Variants in TMEM63B observed in about 807,000 individuals in gnomAD.
TMEM63B encodes the protein transmembrane protein 63B.
TMEM63B carries 23 observed loss-of-function variants against 102.6 expected under a neutral mutation model. The observed-to-expected ratio is 0.22, with a 90% CI of 0.16 to 0.32. TMEM63B has a LOEUF of 0.32. Ranked by LOEUF, TMEM63B falls within the 10% of genes least tolerant of loss-of-function variation. The probability of loss-of-function intolerance (pLI) is 1.00; values close to 1 mark genes in which losing one functional copy is unlikely to be tolerated. For synonymous variants in TMEM63B, 444 were observed against 437.0 expected (o/e 1.02, Z -0.20); for missense variants, 628 against 1,095.9 (o/e 0.57, Z 6.03).
chr6:44,146,463 T>TTTTTTTATTTTTA (rs1176291597), intron 10 of TMEM63B, among the ~76,000 whole-genome samples: 1 of 151,574 alleles, frequency 6.6e-6, no homozygotes, highest in Non-Finnish European at 1.5e-5. Context: ...TTTTGTCTTT[T>TTTTTTTATTTTTA]TTTTTGAGAT....
intron 10 of TMEM63B, among the ~76,000 whole-genome samples, chr6:44,143,331 G>A (rs140386637): frequency 1.2e-3 from 182 of 152,338 alleles, no homozygotes; most frequent in Non-Finnish European, 1.5e-3. Context: ...TAAAACAGCA[G>A]TCAAAATTAG....
intron 10 of TMEM63B, among the ~76,000 whole-genome samples, chr6:44,142,884 A>G (rs1468615770): frequency 6.6e-6 from 1 of 152,212 alleles, no homozygotes. Context: ...GGTAGCATGC[A>G]CCAATAGTCC....
Position 44,152,590 on chromosome 6 carries a change from CA to C in TMEM63B, c.1837-2del. The C allele has an allele frequency of 1.9e-6, 3 of 1,607,586 alleles. No individual in the cohort carries two copies. Among genetic ancestry groups the C allele is most frequent in the Non-Finnish European group, 2.5e-6 (3 of 1,179,508 alleles). ...GCCATCCTCCTGCCCGTCTCCCCCC[CA>C]GCATCAGGCCTACGAGTTCCAGTTT... On this transcript the variant is annotated splice_acceptor_variant, in intron 19 of 23. Transcript: ENST00000323267. LOFTEE classifies it high-confidence loss of function. This position sits in a 1 kb window ranked among gnomAD's most constrained non-coding sequence, Gnocchi z 6.4.
rs1474673426 is a variant in TMEM63B at position 44,153,657 on chromosome 6, C to T, written c.1943-19C>T. On this transcript the variant is annotated intron_variant, in intron 20 of 23. Coordinates refer to ENST00000323267, the MANE Select transcript of TMEM63B (RefSeq NM_018426.3). ...GGCAGCACTGGTTCCGAGGTCAGGG[C>T]CCATGTGGCTTCCCTTAGGGCTCAT... The T allele has an allele frequency of 1.2e-6, 2 of 1,608,938 alleles. No individual in the cohort carries two copies. The highest frequency in any genetic ancestry group is 3.3e-5 in the Admixed American group (2 of 59,814).
intron 10 of TMEM63B, among the ~76,000 whole-genome samples, chr6:44,146,203 AT>A (rs1765338497): frequency 6.6e-6 from 1 of 152,026 alleles, no homozygotes. Context: ...ACTAGATGCA[AT>A]TTTTTTCAAC....
chr6:44,141,200 G>A (rs4628095), intron 10 of TMEM63B, 102 bp downstream of exon 10: 157,743 of 1,201,860 alleles, frequency 0.13, 11,123 homozygotes, highest in East Asian at 0.25. Context: ...GAGCTCTGCC[G>A]TGGGTGGGAT....
In TMEM63B at chr6:44,150,487, C is replaced by G; in HGVS notation, c.1608-77C>G. On this transcript the variant is annotated intron_variant, in intron 17 of 23. Coordinates refer to ENST00000323267, the MANE Select transcript of TMEM63B (RefSeq NM_018426.3). This position sits in a 1 kb window ranked among gnomAD's most constrained non-coding sequence, Gnocchi z 4.7. ...GTCTGGGAGTCTCCCCAGTGGCTCACAGAGGAGGGACTTCCCCTCCCCTGG... is the reference window on the plus strand; with the variant it reads ...GTCTGGGAGTCTCCCCAGTGGCTCAGAGAGGAGGGACTTCCCCTCCCCTGG... 2 of 1,568,486 alleles carry G rather than the reference C, an allele frequency of 1.3e-6. No homozygotes were observed. Among genetic ancestry groups the G allele is most frequent in the African/African-American group, 1.4e-5 (1 of 74,020 alleles).
chr6:44,129,199 C>T lies in TMEM63B; in HGVS notation c.-25+1521C>T, dbSNP rs143326351. Among the ~76,000 whole-genome samples the T allele has an allele frequency of 5.7e-3, 862 of 151,988 alleles. 3 individuals carry two copies. The highest frequency in any genetic ancestry group is 0.019 in the African/African-American group (792 of 41,452). On this transcript the variant is annotated intron_variant, in intron 1 of 23. Coordinates refer to ENST00000323267, the MANE Select transcript of TMEM63B (RefSeq NM_018426.3). ...CCTGGCCAACATGGTGAAACCCCAT[C>T]GCTACTAAAAATACAAAAATTAGCC...
chr6:44,154,301 C>T (rs899736062), intron 22 of TMEM63B, 64 bp from the exon 23 acceptor site: 42 of 1,602,452 alleles, frequency 2.6e-5, no homozygotes, highest in African/African-American at 4.0e-5. Context: ...GCCAAGCGGG[C>T]GTGGGGTCAT....
chr6:44,134,799 A>AT, intron 2 of TMEM63B, 56 bp downstream of exon 2: 1 of 1,581,778 alleles, frequency 6.3e-7, no homozygotes. Context: ...CACACCTGGC[A>AT]AACACTTCCA....
chr6:44,144,947 G>T (rs945846280), intron 10 of TMEM63B, among the ~76,000 whole-genome samples: 3 of 151,966 alleles, frequency 2.0e-5, no homozygotes, highest in Non-Finnish European at 4.4e-5. Context: ...CTAGATTAAG[G>T]ATTAGGATCA....
At chr6:44,142,385 C>T (rs974516736) in intron 10 of TMEM63B, among the ~76,000 whole-genome samples, 22 of 151,796 alleles carry the variant, frequency 1.4e-4, no homozygotes, top group South Asian at 1.0e-3. Flanking sequence ...CAAAAATTAG[C>T]CAGGCATGGT....
chr6:44,152,515 C>G lies in TMEM63B; in HGVS notation c.1837-78C>G. The G allele has an allele frequency of 2.0e-6, 2 of 998,356 alleles. No homozygotes were observed. The highest frequency in any genetic ancestry group is 3.1e-6 in the Non-Finnish European group (2 of 639,072). 61.8% of individuals were successfully genotyped at this position (998,356 alleles called of 1,614,324 possible). On this transcript the variant is annotated intron_variant, in intron 19 of 23. Transcript: ENST00000323267. The surrounding 1 kb of genome is among the most constrained non-coding windows in gnomAD (Gnocchi z 6.4). ...TTCCGGCCCCAGAGGTCCTGGCTCC[C>G]TTCCCCCTCCCTCCTTCCCTGCCCC...
chr6:44,148,224 A>G lies in TMEM63B; in HGVS notation c.988-28A>G. ...GGCCCCAGCCTGGCTTTCCAACTAG[A>G]GGCCCTGTCCCTAACCCTCCCACAA... On this transcript the variant is annotated intron_variant, in intron 12 of 23. Coordinates refer to ENST00000323267, the MANE Select transcript of TMEM63B (RefSeq NM_018426.3). The surrounding 1 kb of genome is among the most constrained non-coding windows in gnomAD (Gnocchi z 5.1). The G allele has an allele frequency of 6.2e-7, 1 of 1,612,144 alleles. No individual in the cohort carries two copies. Among genetic ancestry groups the G allele is most frequent in the Non-Finnish European group, 8.5e-7 (1 of 1,178,608 alleles).
chr6:44,152,302 C>T lies in TMEM63B; in HGVS notation c.1837-291C>T, dbSNP rs1766861439. Among the ~76,000 whole-genome samples, 1 of 151,966 alleles carries T rather than the reference C, an allele frequency of 6.6e-6. No homozygotes were observed. Among genetic ancestry groups the T allele is most frequent in the Non-Finnish European group, 1.5e-5 (1 of 67,948 alleles). ...GGGTCCCTCTGTCTTAATAAGAGGG[C>T]TCTGGGCATCCCACTCTCAAGTCCA... On this transcript the variant is annotated intron_variant, in intron 19 of 23. Coordinates refer to ENST00000323267, the MANE Select transcript of TMEM63B (RefSeq NM_018426.3). The surrounding 1 kb of genome is among the most constrained non-coding windows in gnomAD (Gnocchi z 6.4).
chr6:44,135,474 C>T, intron 4 of TMEM63B, 108 bp downstream of exon 4: 1 of 1,371,906 alleles, frequency 7.3e-7, no homozygotes, highest in Non-Finnish European at 9.9e-7. Flanking sequence ...TTGCAGTTTT[C>T]TCCTCTGCAG....
chr6:44,133,510 G>A (rs973728597), intron 1 of TMEM63B, among the ~76,000 whole-genome samples: 2 of 152,186 alleles, frequency 1.3e-5, no homozygotes, highest in African/African-American at 2.4e-5. Flanking sequence ...GGACCCCCCA[G>A]TAAAATGGGT....
intron 18 of TMEM63B, among the ~76,000 whole-genome samples, chr6:44,151,577 G>A (rs1244503028): frequency 6.6e-6 from 1 of 152,132 alleles, no homozygotes. Context: ...GTCCTGGACA[G>A]TTCTCCCCTG....
chr6:44,142,517 G>A (rs1464295666), intron 10 of TMEM63B, among the ~76,000 whole-genome samples: 9 of 152,100 alleles, frequency 5.9e-5, no homozygotes, highest in East Asian at 5.8e-4. Context: ...GCGGCAGAGC[G>A]AGACTGTCTC....
Sources: allele counts gnomAD v4.1 joint callset (sites outside exome capture counted in the v4.1 genomes callset), GRCh38; gene constraint gnomAD v4.1.1; non-coding constraint Gnocchi (gnomAD v3.1); transcripts MANE v1.5; gene names NCBI Gene and HGNC (gene_info 2026-07-23, HGNC 2026-07-21).